The following CBFA2T2 variants were observed in gnomAD, a reference collection of about 807,000 sequenced individuals.
The protein encoded by CBFA2T2 is CBFA2/RUNX1 partner transcriptional co-repressor 2, also known as protein CBFA2T2.
Under a neutral mutation model 62.2 loss-of-function variants are expected in CBFA2T2, and 11 were observed. The ratio of observed to expected loss-of-function variants is 0.18; its 90% CI spans 0.11 to 0.29. The LOEUF is 0.29. CBFA2T2 is among the 10% of genes least tolerant of loss of function. CBFA2T2 has a pLI of 1.00. For missense variants in CBFA2T2, 592 were observed against 774.1 expected, an observed-to-expected ratio of 0.76 and a Z score of 2.79; for synonymous variants, 295 against 287.5, an observed-to-expected ratio of 1.03 and a Z score of -0.27.
At chr20:33,612,921 A>C (rs2015580314) in intron 3 of CBFA2T2, among the ~76,000 whole-genome samples, 1 of 152,180 alleles carries the variant, frequency 6.6e-6, no homozygotes, top group Non-Finnish European at 1.5e-5. Context: ...TGCCTCTACA[A>C]AATGATTTTT....
chr20:33,599,479 A>T (rs184678685), intron 1 of CBFA2T2, among the ~76,000 whole-genome samples: 1 of 152,250 alleles, frequency 6.6e-6, no homozygotes, highest in Admixed American at 6.5e-5. Context: ...AATGTAAAAA[A>T]TTTATTTTTT....
chr20:33,568,064 G>A (rs1025966873), intron 1 of CBFA2T2, among the ~76,000 whole-genome samples: 2 of 152,152 alleles, frequency 1.3e-5, no homozygotes, highest in Admixed American at 6.6e-5. Flanking sequence ...GAGAGAAGAC[G>A]GTGAAAGATT....
chr20:33,554,179 T>A (rs1410888397), intron 1 of CBFA2T2, among the ~76,000 whole-genome samples: 2 of 152,140 alleles, frequency 1.3e-5, no homozygotes, highest in African/African-American at 4.8e-5. Context: ...TTGCAGAACT[T>A]CTGTGCAAGT....
chr20:33,633,280 G>A (rs769684762), intron 8 of CBFA2T2, among the ~76,000 whole-genome samples: 1 of 152,054 alleles, frequency 6.6e-6, no homozygotes, highest in South Asian at 2.1e-4. Context: ...GCTGAGGCAC[G>A]AGAATCACTC....
chr20:33,594,073 A>T (rs1276761011), intron 1 of CBFA2T2, among the ~76,000 whole-genome samples: 1 of 152,232 alleles, frequency 6.6e-6, no homozygotes, highest in Non-Finnish European at 1.5e-5. Flanking sequence ...TGAAGGGGTT[A>T]AAAGCAGAAG....
intron 8 of CBFA2T2, among the ~76,000 whole-genome samples, chr20:33,630,388 A>G (rs4911131): frequency 0.051 from 7,716 of 152,258 alleles, 507 homozygotes; most frequent in Admixed American, 0.16. Context: ...GCCTGGCTGG[A>G]TGTATGTACT....
chr20:33,562,372 GAA>G (rs1317571639), intron 1 of CBFA2T2: 4 of 985,716 alleles, frequency 4.1e-6, no homozygotes, highest in African/African-American at 3.5e-5. Flanking sequence ...GAGGGAGGGA[GAA>G]AAAGAGAGAG....
intron 1 of CBFA2T2, among the ~76,000 whole-genome samples, chr20:33,501,724 C>T (rs2011286208): frequency 7.1e-6 from 1 of 141,462 alleles, no homozygotes; most frequent in Non-Finnish European, 1.5e-5. Context: ...ACTGCAACCT[C>T]CGACTCCCTG....
At chr20:33,567,603 A>T (rs2013382755) in intron 1 of CBFA2T2, among the ~76,000 whole-genome samples, 1 of 147,918 alleles carries the variant, frequency 6.8e-6, no homozygotes, top group South Asian at 2.1e-4. Flanking sequence ...TTAATTTGAG[A>T]CGGAGCTTCA....
At chr20:33,501,270 C>A (rs755781083) in intron 1 of CBFA2T2, among the ~76,000 whole-genome samples, 2 of 152,218 alleles carry the variant, frequency 1.3e-5, no homozygotes, top group Non-Finnish European at 2.9e-5. Context: ...CCTTGATACA[C>A]TATTTTGGCC....
In CBFA2T2 at chr20:33,640,344, A is replaced by G; in HGVS notation, c.1301A>G (p.Glu434Gly). Residue 434 changes from glutamate (E) to glycine (G), a missense_variant, in exon 10 of 11, where the codon GAA becomes GGA. By Grantham distance (98) the Glu-to-Gly change is moderately conservative (BLOSUM62 -2). Transcript: ENST00000342704. Reference protein sequence around the residue: ...VPVEFWKKTEEAVNKVKIQAM... With the variant: ...VPVEFWKKTEGAVNKVKIQAM... ...TTTTACTGTCACTTTCTTCTAGAAG[A>G]AGCTGTGAATAAGGTGAAAATTCAG... 1 of 1,611,644 alleles carries G rather than the reference A, an allele frequency of 6.2e-7. No individual in the cohort carries two copies. Among genetic ancestry groups the G allele is most frequent in the Non-Finnish European group, 8.5e-7 (1 of 1,178,216 alleles).
intron 1 of CBFA2T2, among the ~76,000 whole-genome samples, chr20:33,499,458 C>T (rs116345419): frequency 2.7e-4 from 41 of 152,254 alleles, no homozygotes; most frequent in African/African-American, 9.1e-4. Context: ...TTTACATGTG[C>T]GACATGAGCT....
chr20:33,617,262 G>A (rs1399844222), intron 3 of CBFA2T2, among the ~76,000 whole-genome samples: 2 of 152,008 alleles, frequency 1.3e-5, no homozygotes, highest in Non-Finnish European at 2.9e-5. Flanking sequence ...AAGCAAATAC[G>A]TCTTCTCTGT....
intron 1 of CBFA2T2, among the ~76,000 whole-genome samples, chr20:33,527,509 A>G (rs2011924411): frequency 6.6e-6 from 1 of 150,936 alleles, no homozygotes; most frequent in African/African-American, 2.4e-5. Context: ...AGTAGCTGGT[A>G]TCACAGATGC....
intron 1 of CBFA2T2, among the ~76,000 whole-genome samples, chr20:33,504,148 A>G (rs1370498719): frequency 6.6e-6 from 1 of 151,968 alleles, no homozygotes; most frequent in Non-Finnish European, 1.5e-5. Flanking sequence ...TTTGTGTCTG[A>G]TGTGTTTCAC....
intron 1 of CBFA2T2, among the ~76,000 whole-genome samples, chr20:33,507,576 CT>C (rs1457548677): frequency 6.6e-6 from 1 of 152,176 alleles, no homozygotes; most frequent in African/African-American, 2.4e-5. Context: ...GTCTTTTCCC[CT>C]TCCTGGAAGC....
At chr20:33,549,217 T>A (rs936703154) in intron 1 of CBFA2T2, among the ~76,000 whole-genome samples, 3 of 152,290 alleles carry the variant, frequency 2.0e-5, no homozygotes, top group Non-Finnish European at 2.9e-5. Context: ...TTCTGGAATG[T>A]TGGATTAAGG....
intron 8 of CBFA2T2, among the ~76,000 whole-genome samples, chr20:33,633,056 G>A (rs1314690456): frequency 2.0e-5 from 3 of 152,044 alleles, no homozygotes; most frequent in African/African-American, 7.2e-5. Context: ...ACCATGCCTG[G>A]CCAAGTAATT....
chr20:33,530,368 G>T (rs114433360), intron 1 of CBFA2T2, among the ~76,000 whole-genome samples: 3,561 of 152,214 alleles, frequency 0.023, 132 homozygotes, highest in African/African-American at 0.081. Flanking sequence ...GGCATTCCAC[G>T]TAGGAGTCCA....
Sources: gnomAD v4.1 joint callset for allele counts (sites outside exome capture counted in the v4.1 genomes callset) on GRCh38, gnomAD v4.1.1 for gene constraint, MANE v1.5 for transcripts, NCBI Gene and HGNC (gene_info 2026-07-23, HGNC 2026-07-21) for gene names.